Variants in EPS15 observed in about 807,000 individuals in gnomAD.
EPS15 encodes epidermal growth factor receptor substrate 15.
Under a neutral mutation model 113.8 loss-of-function variants are expected in EPS15, and 72 were observed. That is an observed-to-expected ratio of 0.63 (90% CI 0.52 to 0.77). The LOEUF is 0.77. Among genes scored for constraint, EPS15 ranks in the 30% least tolerant of loss-of-function variants. The pLI is 0.00. For missense variants in EPS15, 1,048 were observed against 1,045.8 expected (o/e 1.00, Z -0.03); for synonymous variants, 344 against 363.4 (o/e 0.95, Z 0.61).
At chr1:51,439,946 T>C (rs1396912919) in intron 12 of EPS15, among the ~76,000 whole-genome samples, 2 of 152,134 alleles carry the variant, frequency 1.3e-5, no homozygotes, top group Non-Finnish European at 2.9e-5. Context: ...ATAATGTTTT[T>C]CTAATATGTT....
chr1:51,408,132 T>C lies in EPS15; in HGVS notation c.1473+3A>G, dbSNP rs1649308007. On this transcript the variant is annotated splice_donor_region_variant and intron_variant, in intron 15 of 24. Transcript: ENST00000371733. ...ATATATTTCTTGCTTTACAAAGACT[T>C]ACTGAACTAATTTCCTGTTGTGAAT... 1 of 1,613,054 alleles carries C rather than the reference T, an allele frequency of 6.2e-7. No homozygotes were observed. Among genetic ancestry groups the C allele is most frequent in the African/African-American group, 1.3e-5 (1 of 74,916 alleles).
At chr1:51,432,782 C>T (rs1651842289) in intron 12 of EPS15, among the ~76,000 whole-genome samples, 1 of 152,100 alleles carries the variant, frequency 6.6e-6, no homozygotes, top group Non-Finnish European at 1.5e-5. Context: ...TAATGATGAT[C>T]TATACACTTT....
At chr1:51,391,035 T>C (rs1557792848) in intron 21 of EPS15, among the ~76,000 whole-genome samples, 1 of 152,184 alleles carries the variant, frequency 6.6e-6, no homozygotes, top group African/African-American at 2.4e-5. Context: ...TGCAGCACTA[T>C]TCACAATAGC....
intron 4 of EPS15, among the ~76,000 whole-genome samples, chr1:51,470,072 T>G (rs185739628): frequency 3.3e-5 from 5 of 152,290 alleles, no homozygotes; most frequent in Admixed American, 3.3e-4. Flanking sequence ...TCTCACTCTA[T>G]TTGAGATTCA....
Position 51,356,643 on chromosome 1 carries a change from A to G in EPS15, c.*57T>C. 1 of 1,460,640 alleles carries G rather than the reference A, an allele frequency of 6.8e-7. No homozygotes were observed. The highest frequency in any genetic ancestry group is 1.2e-5 in the South Asian group (1 of 81,128). The allele number at this position is 1,460,640 out of a possible 1,614,324, so 90.5% of individuals were successfully genotyped here. On this transcript the variant is annotated 3_prime_UTR_variant, in exon 25 of 25. Transcript: ENST00000371733. ...GGTAGTTTTGATACACATTGTAAAT[A>G]GTTTCAGTATTCAGGAAGAAGAATA...
chr1:51,436,583 A>C (rs1652168278), intron 12 of EPS15, among the ~76,000 whole-genome samples: 2 of 152,196 alleles, frequency 1.3e-5, no homozygotes, highest in Non-Finnish European at 2.9e-5. Context: ...AAATATAAAG[A>C]CTACATAAAA....
chr1:51,384,977 C>A (rs1249218042), intron 21 of EPS15, among the ~76,000 whole-genome samples: 1 of 152,138 alleles, frequency 6.6e-6, no homozygotes, highest in Non-Finnish European at 1.5e-5. Flanking sequence ...AATGTAAGAG[C>A]TAAAACTATA....
intron 4 of EPS15, among the ~76,000 whole-genome samples, chr1:51,470,716 A>G (rs997660758): frequency 1.3e-5 from 2 of 151,970 alleles, no homozygotes; most frequent in African/African-American, 2.4e-5. Flanking sequence ...AGACTCATAA[A>G]TCCAGCCACC....
chr1:51,477,187 G>C (rs556552396), intron 2 of EPS15, among the ~76,000 whole-genome samples: 65 of 152,134 alleles, frequency 4.3e-4, no homozygotes, highest in Non-Finnish European at 8.8e-4. Context: ...TCTTGGGAGG[G>C]TGTAGTGTCC....
chr1:51,427,609 C>T (rs945451791), intron 12 of EPS15, among the ~76,000 whole-genome samples: 1 of 152,142 alleles, frequency 6.6e-6, no homozygotes, highest in African/African-American at 2.4e-5. Flanking sequence ...TCCTTGGTAT[C>T]ACTGAAGGCA....
At chr1:51,357,276 G>C (rs111652808) in intron 24 of EPS15, among the ~76,000 whole-genome samples, 4,496 of 149,658 alleles carry the variant, frequency 0.03, 71 homozygotes, top group African/African-American at 0.05. Flanking sequence ...ACTTGGGAGG[G>C]TGAGGCACAT....
intron 12 of EPS15, among the ~76,000 whole-genome samples, chr1:51,435,471 G>C (rs754361423): frequency 3.9e-5 from 6 of 152,222 alleles, no homozygotes; most frequent in Non-Finnish European, 8.8e-5. Flanking sequence ...TGGGATTACA[G>C]GTGTGAGCCA....
intron 1 of EPS15, among the ~76,000 whole-genome samples, chr1:51,492,526 T>C (rs1015961930): frequency 3.3e-5 from 5 of 152,168 alleles, no homozygotes; most frequent in Non-Finnish European, 7.4e-5. Context: ...TGAAAAACGA[T>C]GGATGTAAAG....
At chr1:51,432,220 C>T (rs1290702770) in intron 12 of EPS15, among the ~76,000 whole-genome samples, 2 of 151,962 alleles carry the variant, frequency 1.3e-5, no homozygotes, top group African/African-American at 2.4e-5. Flanking sequence ...TAGTAAGCTA[C>T]CAGAGCCACA....
chr1:51,396,645 T>C (rs571474884), intron 20 of EPS15, among the ~76,000 whole-genome samples: 27 of 152,220 alleles, frequency 1.8e-4, no homozygotes, highest in African/African-American at 6.5e-4. Context: ...TAGTTTCTAG[T>C]CCTTCATCAT....
intron 10 of EPS15, among the ~76,000 whole-genome samples, 168 bp from the exon 11 acceptor site, chr1:51,445,213 C>T (rs1652932243): frequency 6.6e-6 from 1 of 152,146 alleles, no homozygotes; most frequent in Non-Finnish European, 1.5e-5. Context: ...AGAGGTAGAT[C>T]AGCTAAGATG....
Position 51,421,861 on chromosome 1 carries a change from A to G in EPS15, c.1041-3T>C, listed in dbSNP as rs1650788508. 1 of 1,611,506 alleles carries G rather than the reference A, an allele frequency of 6.2e-7. No homozygotes were observed. Among genetic ancestry groups the G allele is most frequent in the African/African-American group, 1.3e-5 (1 of 74,826 alleles). On this transcript the variant is annotated splice_polypyrimidine_tract_variant and splice_region_variant and intron_variant, in intron 12 of 24. Coordinates refer to ENST00000371733, the MANE Select transcript of EPS15 (RefSeq NM_001981.3). ...CCTGTTCCACATTATTCTTTTCCCTAGAAGACCAGCAAACAATGCAAGAAT... is the reference window on the plus strand; with the variant it reads ...CCTGTTCCACATTATTCTTTTCCCTGGAAGACCAGCAAACAATGCAAGAAT...
intron 1 of EPS15, among the ~76,000 whole-genome samples, chr1:51,486,098 G>A (rs1394187580): frequency 1.3e-5 from 2 of 151,626 alleles, no homozygotes; most frequent in East Asian, 2.0e-4. Context: ...ATGCGCAGTC[G>A]AGTCTTTCTA....
intron 1 of EPS15, among the ~76,000 whole-genome samples, chr1:51,486,579 T>C (rs920175110): frequency 1.3e-5 from 2 of 152,106 alleles, no homozygotes; most frequent in African/African-American, 4.8e-5. Context: ...AGATCCTGTC[T>C]CTATAAAAAA....
Sources: allele counts gnomAD v4.1 joint callset (sites outside exome capture counted in the v4.1 genomes callset), GRCh38; gene constraint gnomAD v4.1.1; transcripts MANE v1.5; gene names NCBI Gene and HGNC (gene_info 2026-07-23, HGNC 2026-07-21).